The following GLE1 variants were observed in gnomAD, a reference collection of about 807,000 sequenced individuals.
GLE1 encodes the protein mRNA export factor GLE1.
Under a neutral mutation model 97.3 loss-of-function variants are expected in GLE1, and 78 were observed. The observed-to-expected ratio is 0.80, with a 90% CI of 0.67 to 0.97. GLE1 has a LOEUF of 0.97. Ranked by LOEUF, GLE1 falls within the 50% of genes least tolerant of loss-of-function variation. The pLI is 0.00. For missense variants in GLE1, 753 were observed against 857.5 expected (o/e 0.88, Z 1.52); for synonymous variants, 302 against 313.4 (o/e 0.96, Z 0.39).
rs190916765 is a variant in GLE1, at chr9:128,541,385, G to A, written c.*215G>A. ...TTTGGTAGTTCCTTAAGAGATCCAC[G>A]TGATAAAATAAATGGAGTTGGCCTT... is the stretch of plus-strand genomic sequence containing the variant. On this transcript the variant is annotated 3_prime_UTR_variant, in exon 16 of 16. Coordinates refer to ENST00000309971, the MANE Select transcript of GLE1 (RefSeq NM_001003722.2). 115 of 578,122 alleles carry A rather than the reference G, an allele frequency of 2.0e-4. No individual in the cohort carries two copies. The highest frequency in any genetic ancestry group is 1.4e-3 in the South Asian group (65 of 47,580). 35.8% of individuals were successfully genotyped at this position (578,122 alleles called of 1,614,324 possible). A position where few individuals can be genotyped will look rare whatever the true frequency, so the allele number is the denominator to read the frequency against.
chr9:128,537,809 C>G (rs900944686), intron 12 of GLE1, among the ~76,000 whole-genome samples, 177 bp from the exon 13 acceptor site: 2 of 151,930 alleles, frequency 1.3e-5, no homozygotes, highest in Admixed American at 1.3e-4. Context: ...GACCCTGTCT[C>G]AAAAAAATAA....
At chr9:128,527,817 A>G (rs1315683113) in intron 9 of GLE1, among the ~76,000 whole-genome samples, 1 of 151,370 alleles carries the variant, frequency 6.6e-6, no homozygotes, top group Non-Finnish European at 1.5e-5. Context: ...TACAAATACT[A>G]GCTGGGTGTG....
chr9:128,523,379 C>G, intron 5 of GLE1, 39 bp downstream of exon 5: 1 of 1,557,930 alleles, frequency 6.4e-7, no homozygotes, highest in Non-Finnish European at 8.9e-7. Flanking sequence ...GTTTTGGTGT[C>G]TGTCTGTAAC....
intron 15 of GLE1, chr9:128,540,628 A>T: frequency 2.4e-6 from 1 of 420,468 alleles, no homozygotes; most frequent in South Asian, 2.6e-5. Flanking sequence ...ATGTTGGCCA[A>T]GGTTATTTTC....
Position 128,525,251 on chromosome 9 carries a change from G to T in GLE1, c.957G>T (p.Arg319=). Residue 319 remains arginine (R), a synonymous_variant, in exon 7 of 16, where the codon CGG becomes CGT. Coordinates refer to ENST00000309971, the MANE Select transcript of GLE1 (RefSeq NM_001003722.2). ...AEAERALREM[R]DLLMNLGQEI... is the part of the protein sequence containing the mutation. ...CTGAGCGAGCTCTGCGGGAAATGCG[G>T]GACCTCCTGATGAACTTGGGGCAGG... 2 of 1,614,170 alleles carry T rather than the reference G, an allele frequency of 1.2e-6. No homozygotes were observed. The highest frequency in any genetic ancestry group is 1.7e-6 in the Non-Finnish European group (2 of 1,180,022).
rs150246404 is a variant in GLE1 at position 128,504,810 on chromosome 9, C to G, written c.5C>G (p.Pro2Arg). Residue 2 changes from proline to arginine, a missense_variant, in exon 1 of 16, where the codon CCG (proline) becomes CGG (arginine). By Grantham distance (103) the Pro-to-Arg change is moderately radical (BLOSUM62 -2). Transcript: ENST00000309971. MPSEGRCWETLK... is the reference protein window; with the variant it reads MRSEGRCWETLK... ...GAAGCTGCCCCTTAGCCAACCATGC[C>G]GTCTGAGGGTCGCTGCTGGGAGACC... 6.9e-4 allele frequency: 1,116 copies of G among 1,605,856 alleles called. No individual in the cohort carries two copies. Among genetic ancestry groups the G allele is most frequent in the Middle Eastern group, 6.9e-3 (42 of 6,054 alleles).
intron 3 of GLE1, among the ~76,000 whole-genome samples, chr9:128,518,652 G>A (rs144485226): frequency 0.015 from 2,278 of 152,062 alleles, 49 homozygotes; most frequent in African/African-American, 0.051. Context: ...GATGGATCAC[G>A]AGGTCGGGAG....
intron 3 of GLE1, among the ~76,000 whole-genome samples, chr9:128,516,461 A>G (rs986077626): frequency 1.3e-5 from 2 of 152,094 alleles, no homozygotes; most frequent in Admixed American, 6.6e-5. Flanking sequence ...CTGGGACTAC[A>G]GGTGCCTGTC....
intron 1 of GLE1, 92 bp downstream of exon 1, chr9:128,504,996 C>T: frequency 1.2e-6 from 1 of 819,394 alleles, no homozygotes. Flanking sequence ...TCCCGGGAAC[C>T]CGTGCAGTCT....
chr9:128,540,661 GGTAA>G (rs1847860226), intron 15 of GLE1: 4 of 387,116 alleles, frequency 1.0e-5, no homozygotes, highest in Non-Finnish European at 1.9e-5. Flanking sequence ...CTGGGGAATT[GGTAA>G]GTGTCATCAC....
chr9:128,509,650 G>T (rs1433873544), intron 2 of GLE1, among the ~76,000 whole-genome samples: 1 of 107,730 alleles, frequency 9.3e-6, no homozygotes, highest in Non-Finnish European at 1.8e-5. Flanking sequence ...ACTCCTAAAC[G>T]CAAAAAAAAA....
In GLE1 at chr9:128,514,035, AAAAG is replaced by A. The variant is rs553118102; in HGVS notation, c.322-1490_322-1487del. Among the ~76,000 whole-genome samples the A allele has an allele frequency of 3.9e-3, 590 of 151,206 alleles. 1 individual carries two copies. Among genetic ancestry groups the A allele is most frequent in the African/African-American group, 0.01 (421 of 41,280 alleles). Reference sequence around the variant, plus strand: ...TCCATCTCAAAAAAAAAAAAAAAGAAAAAGAAAAAGAAAAAAAATAGGCCAGGCA... The same window carrying A: ...TCCATCTCAAAAAAAAAAAAAAAGAAAAAAAGAAAAAAAATAGGCCAGGCA... On this transcript the variant is annotated intron_variant, in intron 2 of 15. Transcript: ENST00000309971.
chr9:128,527,901 T>C (rs953869313), intron 9 of GLE1, among the ~76,000 whole-genome samples: 1 of 147,872 alleles, frequency 6.8e-6, no homozygotes, highest in Non-Finnish European at 1.5e-5. Context: ...GAGGCGGAGA[T>C]TGCAGTGAGC....
intron 2 of GLE1, 62 bp from the exon 3 acceptor site, chr9:128,515,467 C>A: frequency 2.2e-6 from 2 of 905,114 alleles, no homozygotes; most frequent in Non-Finnish European, 3.6e-6. Context: ...GAAGAGATAA[C>A]ACCAACTTTA....
At chr9:128,506,090 A>G (rs1846633478) in intron 1 of GLE1, among the ~76,000 whole-genome samples, 1 of 152,204 alleles carries the variant, frequency 6.6e-6, no homozygotes, top group South Asian at 2.1e-4. Flanking sequence ...TCAGGCCCGT[A>G]ATCCCAGCAC....
chr9:128,535,846 T>A (rs888434944), intron 11 of GLE1, among the ~76,000 whole-genome samples: 3 of 151,446 alleles, frequency 2.0e-5, no homozygotes, highest in African/African-American at 7.3e-5. Flanking sequence ...TATGGTGGCA[T>A]GTGCCTGTGG....
intron 9 of GLE1, among the ~76,000 whole-genome samples, chr9:128,531,432 C>T (rs1847502803): frequency 6.7e-6 from 1 of 150,258 alleles, no homozygotes; most frequent in African/African-American, 2.5e-5. Context: ...GAGGCTGAGG[C>T]AGGAAAATCA....
Position 128,523,156 on chromosome 9 carries a change from G to T in GLE1, c.582-124G>T, listed in dbSNP as rs889014317. ...CTCTGCAGCCTGGGCAACATAACGA[G>T]ACCCCATCTCTAAGAAAAAGGGAAG... On this transcript the variant is annotated intron_variant, in intron 4 of 15. Coordinates refer to ENST00000309971, the MANE Select transcript of GLE1 (RefSeq NM_001003722.2). The T allele has an allele frequency of 1.4e-5, 11 of 811,518 alleles. No individual in the cohort carries two copies. The African/African-American group carries it at 1.7e-4, about 12-fold the overall frequency. The allele number at this position is 811,518 out of a possible 1,614,324, so 50.3% of individuals were successfully genotyped here. A position where few individuals can be genotyped will look rare whatever the true frequency, so the allele number is the denominator to read the frequency against.
At chr9:128,517,855 C>T (rs1847031641) in intron 3 of GLE1, among the ~76,000 whole-genome samples, 1 of 151,964 alleles carries the variant, frequency 6.6e-6, no homozygotes, top group Non-Finnish European at 1.5e-5. Context: ...CATTTCTTAT[C>T]ATATTCAGAG....
Sources: allele counts gnomAD v4.1 joint callset (sites outside exome capture counted in the v4.1 genomes callset), GRCh38; gene constraint gnomAD v4.1.1; transcripts MANE v1.5; gene names NCBI Gene and HGNC (gene_info 2026-07-23, HGNC 2026-07-21).